The following CPEB4 variants were observed in gnomAD, a reference collection of about 807,000 sequenced individuals.
CPEB4 encodes cytoplasmic polyadenylation element-binding protein 4.
A neutral mutation model predicts 72.5 loss-of-function variants in CPEB4; 12 were observed. The observed-to-expected ratio is 0.17, with a 90% CI of 0.11 to 0.27. CPEB4 has a LOEUF of 0.27. Among genes scored for constraint, CPEB4 ranks in the 10% least tolerant of loss-of-function variants. The probability of loss-of-function intolerance (pLI) is 1.00; values close to 1 mark genes in which losing one functional copy is unlikely to be tolerated. For missense variants in CPEB4, 614 were observed against 908.5 expected (o/e 0.68, Z 4.17); for synonymous variants, 302 against 326.3 (o/e 0.93, Z 0.80).
intron 2 of CPEB4, among the ~76,000 whole-genome samples, chr5:173,914,575 G>A (rs1756793797): frequency 6.6e-6 from 1 of 152,132 alleles, no homozygotes; most frequent in Non-Finnish European, 1.5e-5. Context: ...GGCCAACATG[G>A]TGAAACCCCA....
At chr5:173,899,871 C>G (rs1756161288) in intron 1 of CPEB4, among the ~76,000 whole-genome samples, 1 of 152,134 alleles carries the variant, frequency 6.6e-6, no homozygotes, top group Admixed American at 6.6e-5. Flanking sequence ...GGATGCTTAG[C>G]TATGGCAAAC....
chr5:173,933,049 G>A (rs1459090797), intron 3 of CPEB4, among the ~76,000 whole-genome samples: 3 of 152,190 alleles, frequency 2.0e-5, no homozygotes, highest in Non-Finnish European at 2.9e-5. Flanking sequence ...GCATAGTGAA[G>A]CAAGCTAAGT....
At chr5:173,902,069 T>G (rs2113148567) in intron 1 of CPEB4, among the ~76,000 whole-genome samples, 1 of 152,334 alleles carries the variant, frequency 6.6e-6, no homozygotes, top group Admixed American at 6.5e-5. Flanking sequence ...TGAATTTACA[T>G]ATTATTTAAT....
At position 173,958,080 on chromosome 5, in the gene CPEB4, T is replaced by C. The variant is rs534774483; in HGVS notation, c.*1943T>C. ...GCCTCTTTTTACTCTTTTAAATGCT[T>C]GTAGGTGGCTTGGGGTGTGCTATCG... On this transcript the variant is annotated 3_prime_UTR_variant, in exon 10 of 10. Coordinates refer to ENST00000265085, the MANE Select transcript of CPEB4 (RefSeq NM_030627.4). The C allele has an allele frequency of 3.3e-5, 5 of 152,774 alleles. No individual in the cohort carries two copies. The highest frequency in any genetic ancestry group is 4.4e-5 in the Non-Finnish European group (3 of 68,040). 9.5% of individuals were successfully genotyped at this position (152,774 alleles called of 1,614,324 possible).
intron 2 of CPEB4, among the ~76,000 whole-genome samples, chr5:173,913,897 C>T (rs1399553716): frequency 5.9e-5 from 9 of 152,194 alleles, no homozygotes; most frequent in African/African-American, 2.2e-4. Context: ...TAATATGATG[C>T]AGCTATAGAT....
In CPEB4 at chr5:173,900,542, G is replaced by A. The variant is rs953933670; in HGVS notation, c.1125+9684G>A. Among the ~76,000 whole-genome samples the A allele has an allele frequency of 6.6e-6, 1 of 152,220 alleles. No individual in the cohort carries two copies. Among genetic ancestry groups the A allele is most frequent in the Non-Finnish European group, 1.5e-5 (1 of 68,044 alleles). On this transcript the variant is annotated intron_variant, in intron 1 of 9. Transcript: ENST00000265085. This position sits in a 1 kb window ranked among gnomAD's most constrained non-coding sequence, Gnocchi z 4.4. ...AAATAACTTCATTCCTCAAGGCTGA[G>A]TGTTAGTATTGTTTACCTGCTTTCC...
chr5:173,904,089 A>G (rs925886235), intron 1 of CPEB4, among the ~76,000 whole-genome samples: 1 of 152,196 alleles, frequency 6.6e-6, no homozygotes, highest in Non-Finnish European at 1.5e-5. Flanking sequence ...AGCCTTGAAA[A>G]TCATTGGTGA....
chr5:173,911,681 G>GTTTT (rs67673139), intron 2 of CPEB4, among the ~76,000 whole-genome samples: 15 of 113,774 alleles, frequency 1.3e-4, no homozygotes, highest in Middle Eastern at 5.1e-3. Context: ...TAGAAAGCAG[G>GTTTT]TTTTTTTTTT....
chr5:173,905,085 C>T (rs1299167234), intron 1 of CPEB4, among the ~76,000 whole-genome samples: 1 of 151,390 alleles, frequency 6.6e-6, no homozygotes, highest in African/African-American at 2.4e-5. Context: ...AGAATAATAT[C>T]AGGTGCTTAG....
rs1000421071 is a variant in CPEB4 at position 173,950,186 on chromosome 5, G to A, written c.1665+108G>A. ...TGTGTTTGGGGTACTTAATTGACATGTTTGTAAGCAGACTAAGTAGTCTTG... is the reference window on the plus strand; with the variant it reads ...TGTGTTTGGGGTACTTAATTGACATATTTGTAAGCAGACTAAGTAGTCTTG... On this transcript the variant is annotated intron_variant, in intron 7 of 9. Transcript: ENST00000265085. The surrounding 1 kb of genome is among the most constrained non-coding windows in gnomAD (Gnocchi z 5.0). The A allele has an allele frequency of 1.4e-5, 9 of 624,248 alleles. No individual in the cohort carries two copies. Among genetic ancestry groups the A allele is most frequent in the Non-Finnish European group, 1.9e-5 (7 of 360,722 alleles). 38.7% of individuals were successfully genotyped at this position (624,248 alleles called of 1,614,324 possible). A position where few individuals can be genotyped will look rare whatever the true frequency, so the allele number is the denominator to read the frequency against.
Position 173,904,616 on chromosome 5 carries a change from G to A in CPEB4, c.1126-5907G>A, listed in dbSNP as rs186346162. Reference sequence around the variant, plus strand: ...TATTCATACCCTCAGAACCCTTAGAGTGCCTCCTTTATTCAAATGTATGTC... The same window carrying A: ...TATTCATACCCTCAGAACCCTTAGAATGCCTCCTTTATTCAAATGTATGTC... On this transcript the variant is annotated intron_variant, in intron 1 of 9. Coordinates refer to ENST00000265085, the MANE Select transcript of CPEB4 (RefSeq NM_030627.4). Among the ~76,000 whole-genome samples the A allele has an allele frequency of 3.3e-5, 5 of 152,216 alleles. No homozygotes were observed. In the East Asian group the frequency reaches 9.6e-4, roughly 29 times the overall value.
At chr5:173,947,435 G>A (rs558619229) in intron 5 of CPEB4, among the ~76,000 whole-genome samples, 149 of 152,224 alleles carry the variant, frequency 9.8e-4, no homozygotes, top group Non-Finnish European at 1.5e-3. Flanking sequence ...GCAGCAGTAC[G>A]TATGGTATCC....
At position 173,890,395 on chromosome 5, in the gene CPEB4, G is replaced by C; in HGVS notation, c.662G>C (p.Ser221Thr). ...PHHVSPGFGG[S>T]FSPQIGPLSQ... ...CATGTCAGCCCTGGCTTTGGAGGCA[G>C]CTTCTCTCCTCAGATCGGGCCTCTC... The change falls in exon 1 of 10, where the codon AGC (serine) becomes ACC (threonine). Residue 221 changes from serine (S) to threonine (T), a missense_variant. Ser to Thr is a moderately conservative substitution (Grantham distance 58, BLOSUM62 1). Coordinates refer to ENST00000265085, the MANE Select transcript of CPEB4 (RefSeq NM_030627.4). 2 of 1,614,064 alleles carry C rather than the reference G, an allele frequency of 1.2e-6. No individual in the cohort carries two copies. Among genetic ancestry groups the C allele is most frequent in the Non-Finnish European group, 1.7e-6 (2 of 1,180,008 alleles).
At position 173,888,370 on chromosome 5, in the gene CPEB4, A is replaced by T; in HGVS notation, c.-1364A>T. 1 of 443,918 alleles carries T rather than the reference A, an allele frequency of 2.3e-6. No individual in the cohort carries two copies. The highest frequency in any genetic ancestry group is 3.9e-6 in the Non-Finnish European group (1 of 257,864). 27.5% of individuals were successfully genotyped at this position (443,918 alleles called of 1,614,324 possible). A position where few individuals can be genotyped will look rare whatever the true frequency, so the allele number is the denominator to read the frequency against. On this transcript the variant is annotated 5_prime_UTR_variant, in exon 1 of 10. Transcript: ENST00000265085. The surrounding 1 kb of genome is among the most constrained non-coding windows in gnomAD (Gnocchi z 4.3). Reference sequence around the variant, plus strand: ...TTTCACTCGGCTCGGTCCTGAGGAGAAGGACTCAGCCGCGGCTGCGGGACC... The same window carrying T: ...TTTCACTCGGCTCGGTCCTGAGGAGTAGGACTCAGCCGCGGCTGCGGGACC...
rs1340226966 is a variant in CPEB4 at position 173,956,836 on chromosome 5, T to C, written c.*699T>C. 1 of 151,824 alleles carries C rather than the reference T, an allele frequency of 6.6e-6. No individual in the cohort carries two copies. Among genetic ancestry groups the C allele is most frequent in the East Asian group, 1.9e-4 (1 of 5,236 alleles). 9.4% of individuals were successfully genotyped at this position (151,824 alleles called of 1,614,324 possible). A position where few individuals can be genotyped will look rare whatever the true frequency, so the allele number is the denominator to read the frequency against. The stretch of plus-strand genomic sequence containing the variant: ...CACATCAGAAAAAATAAAAAAAAAA[T>C]AGTAAAGTAGGCAGAGCTAGGTTTA... On this transcript the variant is annotated 3_prime_UTR_variant, in exon 10 of 10. Coordinates refer to ENST00000265085, the MANE Select transcript of CPEB4 (RefSeq NM_030627.4).
rs1758377796 is a variant in CPEB4, at chr5:173,956,355, G to A, written c.*218G>A. On this transcript the variant is annotated 3_prime_UTR_variant, in exon 10 of 10. Coordinates refer to ENST00000265085, the MANE Select transcript of CPEB4 (RefSeq NM_030627.4). ...TCCTTTTTCGTATTGCCATCGGGTT[G>A]CATGGAAGTTTTATTCTCTTGTTTT... The A allele has an allele frequency of 2.2e-6, 1 of 451,108 alleles. No homozygotes were observed. The highest frequency in any genetic ancestry group is 3.9e-6 in the Non-Finnish European group (1 of 254,124). The allele number at this position is 451,108 out of a possible 1,614,324, so 27.9% of individuals were successfully genotyped here. A position where few individuals can be genotyped will look rare whatever the true frequency, so the allele number is the denominator to read the frequency against.
At chr5:173,920,806 G>A (rs1320306109) in intron 2 of CPEB4, among the ~76,000 whole-genome samples, 1 of 152,172 alleles carries the variant, frequency 6.6e-6, no homozygotes, top group African/African-American at 2.4e-5. Flanking sequence ...GTGATTCTGG[G>A]TGTGGCAGTA....
chr5:173,944,291 A>G (rs1260519148), intron 4 of CPEB4, among the ~76,000 whole-genome samples: 2 of 152,182 alleles, frequency 1.3e-5, no homozygotes, highest in South Asian at 4.1e-4. Flanking sequence ...AGGTAAATAA[A>G]AATGAGTGGT....
intron 8 of CPEB4, 90 bp from the exon 9 acceptor site, chr5:173,953,001 A>G: frequency 1.1e-6 from 1 of 931,872 alleles, no homozygotes; most frequent in Admixed American, 2.3e-5. Flanking sequence ...GTGAGCTCAG[A>G]GTACAGATGA....
Sources: gnomAD v4.1 joint callset for allele counts (sites outside exome capture counted in the v4.1 genomes callset) on GRCh38, gnomAD v4.1.1 for gene constraint, Gnocchi (gnomAD v3.1) non-coding constraint, MANE v1.5 for transcripts, NCBI Gene and HGNC (gene_info 2026-07-23, HGNC 2026-07-21) for gene names.